Variants in SEC24C observed in about 807,000 individuals in gnomAD.
SEC24C encodes the protein protein transport protein Sec24C.
Under a neutral mutation model 117.0 loss-of-function variants are expected in SEC24C, and 22 were observed. The ratio of observed to expected loss-of-function variants is 0.19; its 90% CI spans 0.13 to 0.27. SEC24C has a LOEUF of 0.27. SEC24C is among the 10% of genes least tolerant of loss of function. The pLI, the probability that SEC24C is intolerant of heterozygous loss-of-function variation, is 1.00. For missense variants in SEC24C, 1,155 were observed against 1,375.1 expected (o/e 0.84, Z 2.53); for synonymous variants, 506 against 529.4 (o/e 0.96, Z 0.61).
rs778193555 is a variant in SEC24C, at chr10:73,769,964, C to T, written c.2811C>T (p.Ser937=). The change falls in exon 20 of 23, where the codon TCC becomes TCT. Residue 937 remains serine (S), a synonymous_variant. Transcript: ENST00000345254. The surrounding 1 kb of genome is among the most constrained non-coding windows in gnomAD (Gnocchi z 4.5). ...CCTATGTCCGACAGCTAGTTACCTCCATGGATGTGACTGAGACCAATGTCT... is the reference window on the plus strand; with the variant it reads ...CCTATGTCCGACAGCTAGTTACCTCTATGGATGTGACTGAGACCAATGTCT... The part of the protein sequence containing the change: ...DRAYVRQLVT[S]MDVTETNVFF... 2 of 1,614,174 alleles carry T rather than the reference C, an allele frequency of 1.2e-6. No homozygotes were observed. The highest frequency in any genetic ancestry group is 1.7e-6 in the Non-Finnish European group (2 of 1,180,028).
At chr10:73,760,618 A>G in intron 5 of SEC24C, 95 bp from the exon 6 acceptor site, 1 of 1,344,352 alleles carries the variant, frequency 7.4e-7, no homozygotes, top group Non-Finnish European at 1.0e-6. Flanking sequence ...GTGCCTCATA[A>G]TTCTATGTTT....
In SEC24C at chr10:73,765,553, C is replaced by T. The variant is rs571535869; in HGVS notation, c.1330C>T (p.Arg444Cys). 150 of 1,613,934 alleles carry T rather than the reference C, an allele frequency of 9.3e-5. No homozygotes were observed. Among genetic ancestry groups the T allele is most frequent in the Non-Finnish European group, 1.1e-4 (131 of 1,179,916 alleles). ...CATGCAGTTCATTGAAGGAGGGAGG[C>T]GTTTCCAGTGCTGTTTTTGCAGCTG... ...PFMQFIEGGRRFQCCFCSCIN... is the reference protein window; with the variant it reads ...PFMQFIEGGRCFQCCFCSCIN... The change falls in exon 9 of 23, where the codon CGT (arginine) becomes TGT (cysteine). Residue 444 changes from arginine to cysteine, a missense_variant. Arg to Cys is a radical substitution (Grantham distance 180, BLOSUM62 -3). Coordinates refer to ENST00000345254, the MANE Select transcript of SEC24C (RefSeq NM_198597.3).
chr10:73,765,958 TGA>T, intron 10 of SEC24C, 43 bp downstream of exon 10: 1 of 1,590,918 alleles, frequency 6.3e-7, no homozygotes, highest in South Asian at 1.1e-5. Flanking sequence ...TGGAGGATAA[TGA>T]GACAGCTGAG....
chr10:73,763,967 G>A lies in SEC24C; in HGVS notation c.1211G>A (p.Arg404Lys). The A allele has an allele frequency of 6.3e-7, 1 of 1,594,520 alleles. No homozygotes were observed. Among genetic ancestry groups the A allele is most frequent in the Non-Finnish European group, 8.6e-7 (1 of 1,168,396 alleles). ...PLAAVIKPLA[R>K]LPPEEASPYV... ...GCAGCAGTCATCAAACCGCTGGCAA[G>A]GCTGCCCCCAGAGGAGGTGAGTCAG... The change falls in exon 8 of 23, where the codon AGG (arginine) becomes AAG (lysine). Residue 404 changes from arginine to lysine, a missense_variant. Arg to Lys is a conservative substitution (Grantham distance 26). Transcript: ENST00000345254.
chr10:73,768,335 C>T (rs2082917734), intron 15 of SEC24C, among the ~76,000 whole-genome samples: 1 of 152,158 alleles, frequency 6.6e-6, no homozygotes, highest in African/African-American at 2.4e-5. Flanking sequence ...CGAGATTGCG[C>T]CACTGCACTC....
chr10:73,771,204 C>T lies in SEC24C; in HGVS notation c.*109C>T, dbSNP rs11541237. On this transcript the variant is annotated 3_prime_UTR_variant, in exon 23 of 23. Coordinates refer to ENST00000345254, the MANE Select transcript of SEC24C (RefSeq NM_198597.3). ...CTTATGTAAGCTGACCTCAGTCTCT[C>T]TGGGGGGAGGGGGAGATATAAGGAG... is the stretch of plus-strand genomic sequence containing the variant. 182,271 of 1,307,972 alleles carry T rather than the reference C, an allele frequency of 0.14. 13,379 individuals are homozygous for T. The highest frequency in any genetic ancestry group is 0.21 in the South Asian group (15,274 of 71,216). 81.0% of individuals were successfully genotyped at this position (1,307,972 alleles called of 1,614,324 possible).
In SEC24C at chr10:73,744,395, G is replaced by C. The variant is rs527821582; in HGVS notation, c.-71G>C. 2 of 152,726 alleles carry C rather than the reference G, an allele frequency of 1.3e-5. No homozygotes were observed. Among genetic ancestry groups the C allele is most frequent in the African/African-American group, 4.8e-5 (2 of 41,464 alleles). 9.5% of individuals were successfully genotyped at this position (152,726 alleles called of 1,614,324 possible). A position where few individuals can be genotyped will look rare whatever the true frequency, so the allele number is the denominator to read the frequency against. ...TCGGAACCGGAAGTGGAGCCTGGGA[G>C]CCTTGACGTTAGGAACGAAGTCTAA... On this transcript the variant is annotated 5_prime_UTR_variant, in exon 1 of 23. Transcript: ENST00000345254.
chr10:73,755,128 A>T (rs2082691986), intron 3 of SEC24C, among the ~76,000 whole-genome samples: 1 of 151,784 alleles, frequency 6.6e-6, no homozygotes, highest in African/African-American at 2.4e-5. Flanking sequence ...GTAAGACCCC[A>T]TCTCAAACAA....
rs149548883 is a variant in SEC24C at position 73,762,884 on chromosome 10, G to A, written c.988-606G>A. Among the ~76,000 whole-genome samples the A allele has an allele frequency of 1.4e-3, 220 of 152,230 alleles. 2 individuals are homozygous for A. The East Asian group carries it at 0.015, about 11-fold the overall frequency. ...ACTGAGGATTGAGCTATAAGGATTGGGTACTTCTCCTCTCCTCCTATATAT... is the reference window on the plus strand; with the variant it reads ...ACTGAGGATTGAGCTATAAGGATTGAGTACTTCTCCTCTCCTCCTATATAT... On this transcript the variant is annotated intron_variant, in intron 6 of 22. Transcript: ENST00000345254.
intron 3 of SEC24C, among the ~76,000 whole-genome samples, chr10:73,759,369 G>A (rs115138755): frequency 1.8e-3 from 276 of 152,332 alleles, no homozygotes; most frequent in African/African-American, 6.4e-3. Flanking sequence ...AGTTAGCAGA[G>A]TAAATAGTAC....
At chr10:73,770,081 A>C (rs1246551886) in intron 20 of SEC24C, 66 bp downstream of exon 20, 1 of 1,450,118 alleles carries the variant, frequency 6.9e-7, no homozygotes. Flanking sequence ...GGAGGAAAGG[A>C]TAGGCTAGTA....
chr10:73,750,913 G>A (rs1287772674), intron 2 of SEC24C, among the ~76,000 whole-genome samples, 195 bp from the exon 3 acceptor site: 1 of 152,162 alleles, frequency 6.6e-6, no homozygotes, highest in Non-Finnish European at 1.5e-5. Context: ...GGGGAGTGTA[G>A]GCCCCTTGTT....
At position 73,769,053 on chromosome 10, in the gene SEC24C, G is replaced by A. The variant is rs1344996782; in HGVS notation, c.2325G>A (p.Thr775=). ...DFFGAFYMSN[T]TDVELAGLDG... is the part of the protein sequence containing the mutation. ...TTGGAGCTTTCTACATGAGCAACAC[G>A]ACAGATGTGGAGCTGGCTGGGCTAG... Residue 775 remains threonine, a synonymous_variant, in exon 17 of 23, where the codon ACG becomes ACA. Coordinates refer to ENST00000345254, the MANE Select transcript of SEC24C (RefSeq NM_198597.3). The surrounding 1 kb of genome is among the most constrained non-coding windows in gnomAD (Gnocchi z 4.5). 13 of 1,614,220 alleles carry A rather than the reference G, an allele frequency of 8.1e-6. No individual in the cohort carries two copies. Among genetic ancestry groups the A allele is most frequent in the South Asian group, 3.3e-5 (3 of 91,078 alleles).
At chr10:73,759,556 C>T in intron 3 of SEC24C, 66 bp from the exon 4 acceptor site, 1 of 1,252,674 alleles carries the variant, frequency 8.0e-7, no homozygotes. Flanking sequence ...TATGATGTGA[C>T]ACTTCTGTAG....
chr10:73,759,526 C>A, intron 3 of SEC24C, 96 bp from the exon 4 acceptor site: 1 of 974,312 alleles, frequency 1.0e-6, no homozygotes, highest in Non-Finnish European at 1.4e-6. Context: ...TAAGATGTCA[C>A]AAAACAATGT....
intron 2 of SEC24C, among the ~76,000 whole-genome samples, chr10:73,748,455 G>A (rs1294894789): frequency 6.8e-6 from 1 of 147,260 alleles, no homozygotes; most frequent in Non-Finnish European, 1.5e-5. Context: ...TATTTTTTGA[G>A]ATGGAATTTT....
In SEC24C at chr10:73,765,374, GGTT is replaced by G; in HGVS notation, c.1228-73_1228-71del. ...TCTGCGCCATGCGCCTTCTTCCTCC[GGTT>G]GTTCTTCCTCATCTCCTGGCTGAAC... On this transcript the variant is annotated intron_variant, in intron 8 of 22. Coordinates refer to ENST00000345254, the MANE Select transcript of SEC24C (RefSeq NM_198597.3). 9 of 1,530,774 alleles carry G rather than the reference GGTT, an allele frequency of 5.9e-6. No homozygotes were observed. The South Asian group carries it at 6.9e-5, about 12-fold the overall frequency. 94.8% of individuals were successfully genotyped at this position (1,530,774 alleles called of 1,614,324 possible).
chr10:73,754,729 G>C (rs781539486), intron 3 of SEC24C, among the ~76,000 whole-genome samples: 1 of 152,212 alleles, frequency 6.6e-6, no homozygotes, highest in Non-Finnish European at 1.5e-5. Context: ...ATTTAAAGCC[G>C]TGGGACTAGA....
Position 73,766,208 on chromosome 10 carries a change from T to C in SEC24C, c.1605T>C (p.Pro535=), listed in dbSNP as rs1384381205. 6.2e-7 allele frequency: 1 copy of C among 1,610,890 alleles called. No homozygotes were observed. Among genetic ancestry groups the C allele is most frequent in the South Asian group, 1.1e-5 (1 of 90,576 alleles). ...EELKSLLDFL[P]REGGAEESAI... is the part of the protein sequence containing the mutation. ...TCAAGTCACTGTTAGACTTTCTACC[T>C]AGGTGAGAGTTACAGAACTGAGGTG... Residue 535 remains proline (P), a splice_region_variant and synonymous_variant, in exon 11 of 23, where the codon CCT becomes CCC. Transcript: ENST00000345254.
Sources: gnomAD v4.1 joint callset for allele counts (sites outside exome capture counted in the v4.1 genomes callset) on GRCh38, gnomAD v4.1.1 for gene constraint, Gnocchi (gnomAD v3.1) non-coding constraint, MANE v1.5 for transcripts, NCBI Gene and HGNC (gene_info 2026-07-23, HGNC 2026-07-21) for gene names.